The following CARMIL1 variants were observed in gnomAD, a reference collection of about 807,000 sequenced individuals.
The protein encoded by CARMIL1 is capping protein regulator and myosin 1 linker 1, also known as F-actin-uncapping protein LRRC16A.
A neutral mutation model predicts 177.1 loss-of-function variants in CARMIL1; 90 were observed. The ratio of observed to expected loss-of-function variants is 0.51; its 90% CI spans 0.43 to 0.61. The LOEUF (loss-of-function observed/expected upper bound fraction) is 0.61. CARMIL1 is among the 20% of genes least tolerant of loss of function. The probability of loss-of-function intolerance (pLI) is 0.00; values close to 1 mark genes in which losing one functional copy is unlikely to be tolerated. For synonymous variants in CARMIL1, 577 were observed against 606.2 expected (o/e 0.95, Z 0.71); for missense variants, 1,380 against 1,667.0 (o/e 0.83, Z 3.00).
chr6:25,510,148 A>G (rs895239376), intron 18 of CARMIL1, among the ~76,000 whole-genome samples: 4 of 152,206 alleles, frequency 2.6e-5, no homozygotes, highest in Non-Finnish European at 5.9e-5. Flanking sequence ...TGCATAGACA[A>G]CTTTAACTCC....
intron 5 of CARMIL1, among the ~76,000 whole-genome samples, chr6:25,449,441 A>T (rs1461653073): frequency 6.6e-6 from 1 of 152,216 alleles, no homozygotes; most frequent in Non-Finnish European, 1.5e-5. Flanking sequence ...ATCATGGCCC[A>T]GGGGAAGAGG....
intron 2 of CARMIL1, among the ~76,000 whole-genome samples, chr6:25,362,044 G>T (rs1404195940): frequency 6.6e-6 from 1 of 152,066 alleles, no homozygotes; most frequent in Non-Finnish European, 1.5e-5. Flanking sequence ...TACACAGTCT[G>T]TGATACTGTG....
intron 2 of CARMIL1, among the ~76,000 whole-genome samples, chr6:25,376,647 T>A (rs1791014858): frequency 2.3e-5 from 1 of 43,094 alleles, no homozygotes; most frequent in Non-Finnish European, 4.2e-5. Flanking sequence ...TTGTCTCCTG[T>A]GGGATTGGAA....
In CARMIL1 at chr6:25,284,685, GGTGACAGA is replaced by G; in HGVS notation, c.41-124_41-117del. The stretch of plus-strand genomic sequence containing the variant: ...GATCTCACCACTGCACTCCAGCCTG[GGTGACAGA>G]GTAAGACTCTGTCTCAAAAGACAAC... On this transcript the variant is annotated intron_variant, in intron 1 of 36. Coordinates refer to ENST00000329474, the MANE Select transcript of CARMIL1 (RefSeq NM_017640.6). The G allele has an allele frequency of 5.2e-6, 3 of 577,886 alleles. No homozygotes were observed. The South Asian group carries it at 6.4e-5, about 12-fold the overall frequency. 35.8% of individuals were successfully genotyped at this position (577,886 alleles called of 1,614,324 possible). A position where few individuals can be genotyped will look rare whatever the true frequency, so the allele number is the denominator to read the frequency against.
At position 25,551,024 on chromosome 6, in the gene CARMIL1, C is replaced by T. The variant is rs1432033154; in HGVS notation, c.2443C>T (p.Arg815Cys). ...CAGCACCGAAAAGATTTCTATTCCA[C>T]GTACCTTTGTTAAAAATGTCCTGTT... The part of the protein sequence containing the change: ...HASTEKISIP[R>C]TFVKNVLLEQ... The change falls in exon 27 of 37, where the codon CGT becomes TGT. Residue 815 changes from arginine (R) to cysteine (C), a missense_variant. By Grantham distance (180) the Arg-to-Cys change is radical (BLOSUM62 -3). Transcript: ENST00000329474. 6.2e-6 allele frequency: 10 copies of T among 1,613,312 alleles called. No individual in the cohort carries two copies. The highest frequency in any genetic ancestry group is 3.3e-5 in the Admixed American group (2 of 59,954).
intron 17 of CARMIL1, among the ~76,000 whole-genome samples, chr6:25,504,782 G>C (rs1804751121): frequency 6.6e-6 from 1 of 152,176 alleles, no homozygotes; most frequent in Non-Finnish European, 1.5e-5. Context: ...AGTTATGGGA[G>C]GCAAAAGAGT....
chr6:25,425,269 T>C (rs1796187941), intron 3 of CARMIL1, among the ~76,000 whole-genome samples: 2 of 152,190 alleles, frequency 1.3e-5, no homozygotes, highest in Non-Finnish European at 2.9e-5. Context: ...GAGTTCTCTT[T>C]CTACTTCCAG....
intron 2 of CARMIL1, among the ~76,000 whole-genome samples, chr6:25,285,555 A>G (rs1781458060): frequency 6.6e-6 from 1 of 152,218 alleles, no homozygotes; most frequent in African/African-American, 2.4e-5. Context: ...TAGAGAGGTG[A>G]AAACATTTTG....
intron 4 of CARMIL1, chr6:25,432,855 G>A (rs1336159557): frequency 6.6e-6 from 1 of 152,032 alleles, no homozygotes; most frequent in East Asian, 1.9e-4. Flanking sequence ...AAAAGGCGGT[G>A]GAGTGGGGTG....
At chr6:25,415,718 A>G (rs1203908105) in intron 2 of CARMIL1, among the ~76,000 whole-genome samples, 3 of 152,196 alleles carry the variant, frequency 2.0e-5, no homozygotes, top group African/African-American at 7.2e-5. Flanking sequence ...TTTTTGGTTC[A>G]TACTTTGTTC....
chr6:25,432,811 C>T (rs1303599117), intron 4 of CARMIL1: 2 of 152,112 alleles, frequency 1.3e-5, no homozygotes, highest in East Asian at 3.9e-4. Flanking sequence ...AAACGTGCTG[C>T]CCTTGAAGTT....
intron 3 of CARMIL1, among the ~76,000 whole-genome samples, chr6:25,421,882 A>C (rs1330505058): frequency 1.8e-5 from 1 of 54,934 alleles, no homozygotes; most frequent in Non-Finnish European, 3.3e-5. Flanking sequence ...GGGTGGGGGG[A>C]GGGGGGGAGG....
At chr6:25,310,713 A>T (rs1783742943) in intron 2 of CARMIL1, among the ~76,000 whole-genome samples, 1 of 152,210 alleles carries the variant, frequency 6.6e-6, no homozygotes, top group Admixed American at 6.5e-5. Context: ...AGAAGAACCT[A>T]GAAAGCTGAA....
At chr6:25,369,542 C>G (rs907022343) in intron 2 of CARMIL1, among the ~76,000 whole-genome samples, 1 of 152,116 alleles carries the variant, frequency 6.6e-6, no homozygotes, top group Non-Finnish European at 1.5e-5. Flanking sequence ...TTACCCCTTT[C>G]CATCTGCCAC....
At chr6:25,292,418 A>G (rs564084348) in intron 2 of CARMIL1, among the ~76,000 whole-genome samples, 1 of 152,302 alleles carries the variant, frequency 6.6e-6, no homozygotes, top group African/African-American at 2.4e-5. Context: ...GGGAACCTCA[A>G]AATAAAAGAA....
intron 2 of CARMIL1, among the ~76,000 whole-genome samples, chr6:25,367,308 CA>C (rs1276945627): frequency 6.6e-6 from 1 of 151,996 alleles, no homozygotes; most frequent in Non-Finnish European, 1.5e-5. Context: ...GGTTAAAAAA[CA>C]AACAAAGCAA....
intron 2 of CARMIL1, among the ~76,000 whole-genome samples, chr6:25,288,038 G>C (rs536972757): frequency 1.3e-5 from 2 of 152,194 alleles, no homozygotes; most frequent in Admixed American, 1.3e-4. Flanking sequence ...AGTGGTTTCA[G>C]ATGTGCTATG....
chr6:25,573,525 G>A (rs986408196), intron 29 of CARMIL1, among the ~76,000 whole-genome samples: 17 of 144,522 alleles, frequency 1.2e-4, no homozygotes, highest in Middle Eastern at 4.0e-3. Flanking sequence ...TGATGAGACA[G>A]TGGCCAAAAG....
rs1816383953 is a variant in CARMIL1, at chr6:25,610,134, A to G, written c.3932A>G (p.Asp1311Gly). The G allele has an allele frequency of 1.9e-6, 3 of 1,613,910 alleles. No homozygotes were observed. The highest frequency in any genetic ancestry group is 2.5e-6 in the Non-Finnish European group (3 of 1,179,862). The change falls in exon 36 of 37, where the codon GAT (aspartate) becomes GGT (glycine). Residue 1311 changes from aspartate to glycine, a missense_variant. Asp to Gly is a moderately conservative substitution (Grantham distance 94). Coordinates refer to ENST00000329474, the MANE Select transcript of CARMIL1 (RefSeq NM_017640.6). ...LKKVPSDKER[D>G]GQSSPQPSPR... ...AAAGTTCCTTCAGACAAAGAGAGAG[A>G]TGGCCAGAGTAGCCCCCAGCCCAGC... is the stretch of plus-strand genomic sequence containing the variant.
Sources: gnomAD v4.1 joint callset for allele counts (sites outside exome capture counted in the v4.1 genomes callset) on GRCh38, gnomAD v4.1.1 for gene constraint, MANE v1.5 for transcripts, NCBI Gene and HGNC (gene_info 2026-07-23, HGNC 2026-07-21) for gene names.